The following MPP4 variants were observed in gnomAD, a reference collection of about 807,000 sequenced individuals.
MPP4 encodes MAGUK p55 subfamily member 4.
A neutral mutation model predicts 98.3 loss-of-function variants in MPP4; 91 were observed. The ratio of observed to expected loss-of-function variants is 0.93; its 90% CI spans 0.78 to 1.10. The LOEUF (loss-of-function observed/expected upper bound fraction) is 1.10. MPP4 is among the 50% of genes least tolerant of loss of function. The pLI, the probability that MPP4 is intolerant of heterozygous loss-of-function variation, is 0.00. For missense variants in MPP4, 744 were observed against 792.9 expected, an observed-to-expected ratio of 0.94 and a Z score of 0.74; for synonymous variants, 261 against 271.8, an observed-to-expected ratio of 0.96 and a Z score of 0.39.
rs1185577180 is a variant in MPP4, at chr2:201,685,922, G to A, written c.489C>T (p.Pro163=). The A allele has an allele frequency of 4.3e-6, 7 of 1,610,756 alleles. No individual in the cohort carries two copies. Among genetic ancestry groups the A allele is most frequent in the Middle Eastern group, 1.7e-4 (1 of 6,034 alleles). ...AGATAAAAAATGATTTCCTTACCAG[G>A]GGCTGTTGGTTTTTCACTAAACAAA... ...RIVCLVKNQQ[P]LGATIKRHEM... is the part of the protein sequence containing the mutation. The change falls in exon 6 of 22, where the codon CCC becomes CCT. Residue 163 remains proline (P), a synonymous_variant. Coordinates refer to ENST00000409474, the MANE Select transcript of MPP4 (RefSeq NM_033066.3).
intron 13 of MPP4, chr2:201,665,723 A>G (rs1021559086): frequency 6.6e-6 from 1 of 152,210 alleles, no homozygotes; most frequent in African/African-American, 2.4e-5. Flanking sequence ...TAAAAACTAG[A>G]CTAGCCTGTA....
chr2:201,676,910 A>G (rs569602703), intron 10 of MPP4, among the ~76,000 whole-genome samples: 17 of 152,290 alleles, frequency 1.1e-4, no homozygotes, highest in African/African-American at 3.9e-4. Flanking sequence ...AAAAATAAAA[A>G]CATTTAAAAA....
chr2:201,646,991 G>C (rs184690409), intron 21 of MPP4, among the ~76,000 whole-genome samples: 5 of 152,240 alleles, frequency 3.3e-5, no homozygotes, highest in East Asian at 3.9e-4. Context: ...GTAATATCTT[G>C]ATGTGGGTGA....
intron 18 of MPP4, among the ~76,000 whole-genome samples, chr2:201,652,818 A>G (rs1419569560): frequency 3.3e-5 from 5 of 152,148 alleles, no homozygotes; most frequent in African/African-American, 1.2e-4. Context: ...AGAACTCTCT[A>G]AGGCTAGAGT....
At chr2:201,692,274 T>C (rs2105949671) in intron 3 of MPP4, among the ~76,000 whole-genome samples, 1 of 152,314 alleles carries the variant, frequency 6.6e-6, no homozygotes, top group Non-Finnish European at 1.5e-5. Context: ...CTGGGTGTGG[T>C]GGCTCATGCC....
chr2:201,645,471 G>T, intron 21 of MPP4, 67 bp from the exon 22 acceptor site: 1 of 1,328,988 alleles, frequency 7.5e-7, no homozygotes, highest in Non-Finnish European at 1.0e-6. Flanking sequence ...AATACAGTTT[G>T]TTATGCTGTC....
In MPP4 at chr2:201,682,836, T is replaced by C. The variant is rs1210340023; in HGVS notation, c.655A>G (p.Ile219Val). The C allele has an allele frequency of 6.2e-7, 1 of 1,613,808 alleles. No individual in the cohort carries two copies. Among genetic ancestry groups the C allele is most frequent in the African/African-American group, 1.3e-5 (1 of 75,040 alleles). ...AAGGCAAAAAGAAGATTTACCAGAA[T>C]ATGGATCACTTGTTCAGGGTCCAGT... ...EGLDPEQVIH[I>V]LAMSRGTIMF... Residue 219 changes from isoleucine to valine, a missense_variant, in exon 8 of 22, where the codon ATT becomes GTT. Ile to Val is a conservative substitution (Grantham distance 29). Transcript: ENST00000409474.
intron 11 of MPP4, among the ~76,000 whole-genome samples, chr2:201,672,951 C>T (rs1369698360): frequency 1.3e-5 from 2 of 152,148 alleles, no homozygotes; most frequent in Non-Finnish European, 2.9e-5. Context: ...TGATGAACAT[C>T]GATGGGAAAA....
intron 10 of MPP4, 129 bp from the exon 11 acceptor site, chr2:201,675,400 A>G (rs1321438320): frequency 2.3e-6 from 2 of 884,634 alleles, no homozygotes; most frequent in Non-Finnish European, 3.5e-6. Flanking sequence ...ACTCAAGTGA[A>G]AAGGGTGATT....
chr2:201,682,781 G>T (rs906387767), intron 8 of MPP4, 50 bp downstream of exon 8: 20 of 1,532,696 alleles, frequency 1.3e-5, no homozygotes, highest in African/African-American at 2.7e-5. Context: ...TCCCAGTTCA[G>T]CCTTGGCATT....
intron 10 of MPP4, among the ~76,000 whole-genome samples, chr2:201,678,066 C>T (rs1193211901): frequency 2.6e-5 from 4 of 152,016 alleles, no homozygotes; most frequent in African/African-American, 2.4e-5. Context: ...TGACATATTG[C>T]TTCTAAATGA....
At chr2:201,664,679 G>A (rs1213232552) in intron 13 of MPP4, among the ~76,000 whole-genome samples, 1 of 152,096 alleles carries the variant, frequency 6.6e-6, no homozygotes, top group Non-Finnish European at 1.5e-5. Flanking sequence ...ATACATGGAG[G>A]GTAATTTGAA....
chr2:201,657,590 G>GTTTTTTGTTTTTTTT (rs1687884876), intron 16 of MPP4, among the ~76,000 whole-genome samples: 1 of 91,124 alleles, frequency 1.1e-5, no homozygotes, highest in Non-Finnish European at 2.2e-5. Context: ...CCTGGCCCTT[G>GTTTTTTGTTTTTTTT]TTTTTTTTTT....
intron 11 of MPP4, among the ~76,000 whole-genome samples, chr2:201,673,815 G>T (rs554431157): frequency 6.6e-6 from 1 of 152,330 alleles, no homozygotes; most frequent in South Asian, 2.1e-4. Flanking sequence ...GGTGAGGCTT[G>T]CCCCGGGCAG....
intron 5 of MPP4, among the ~76,000 whole-genome samples, chr2:201,686,470 T>C (rs535143909): frequency 1.3e-5 from 2 of 152,310 alleles, no homozygotes; most frequent in African/African-American, 4.8e-5. Flanking sequence ...CTGGTTTAAT[T>C]TGTTAGTAAC....
intron 1 of MPP4, 121 bp from the exon 2 acceptor site, chr2:201,694,175 C>T (rs752606170): frequency 2.8e-5 from 26 of 918,930 alleles, no homozygotes; most frequent in South Asian, 4.9e-5. Context: ...TCACCAGTGG[C>T]GTGAAAGAGA....
chr2:201,681,067 G>A (rs1335551454), intron 9 of MPP4, 33 bp from the exon 10 acceptor site: 1 of 1,585,846 alleles, frequency 6.3e-7, no homozygotes. Context: ...GCTATCAGAA[G>A]GTGCCTAATG....
intron 15 of MPP4, 64 bp from the exon 16 acceptor site, chr2:201,658,582 C>A: frequency 6.8e-7 from 1 of 1,473,586 alleles, no homozygotes; most frequent in Non-Finnish European, 9.3e-7. Context: ...AGAATAAATT[C>A]ATGAAATCAT....
intron 11 of MPP4, among the ~76,000 whole-genome samples, chr2:201,670,896 A>G (rs1688323326): frequency 6.6e-6 from 1 of 152,220 alleles, no homozygotes; most frequent in South Asian, 2.1e-4. Flanking sequence ...TAGTGGGTGC[A>G]GCCCACAAAG....
Sources: gnomAD v4.1 joint callset for allele counts (sites outside exome capture counted in the v4.1 genomes callset) on GRCh38, gnomAD v4.1.1 for gene constraint, MANE v1.5 for transcripts, NCBI Gene and HGNC (gene_info 2026-07-23, HGNC 2026-07-21) for gene names.